The following CNP variants were observed in gnomAD, a reference collection of about 807,000 sequenced individuals.
CNP encodes the protein 2',3'-cyclic nucleotide 3' phosphodiesterase.
A neutral mutation model predicts 37.9 loss-of-function variants in CNP; 8 were observed. That is an observed-to-expected ratio of 0.21 (90% confidence interval 0.12 to 0.38). The LOEUF is 0.38. CNP is among the 10% of genes least tolerant of loss of function. The probability of loss-of-function intolerance (pLI) is 1.00; values close to 1 mark genes in which losing one functional copy is unlikely to be tolerated. For synonymous variants in CNP, 237 were observed against 238.3 expected, an observed-to-expected ratio of 0.99 and a Z score of 0.05; for missense variants, 457 against 551.0, an observed-to-expected ratio of 0.83 and a Z score of 1.71.
At position 41,977,456 on chromosome 17, in the gene CNP, C is replaced by T. The variant is rs782149692; in HGVS notation, c.*3532C>T. The T allele has an allele frequency of 3.6e-5, 28 of 777,956 alleles. No individual in the cohort carries two copies. Among genetic ancestry groups the T allele is most frequent in the Non-Finnish European group, 4.6e-5 (22 of 479,426 alleles). 48.2% of individuals were successfully genotyped at this position (777,956 alleles called of 1,614,324 possible). ...GTCTCACTCCCCTCCTTTCCCAACA[C>T]TTCAGACTGCAAGTGAGCAAACCTG... On this transcript the variant is annotated 3_prime_UTR_variant, in exon 4 of 4. Transcript: ENST00000393892.
chr17:41,968,007 G>T lies in CNP; in HGVS notation c.4-61G>T, dbSNP rs1363859591. Reference sequence around the variant, plus strand: ...CCCACAACCAGTCTAGGGACTAGGGGTAAGGCCGGCGGGGAGCCCGCGAAT... The same window carrying T: ...CCCACAACCAGTCTAGGGACTAGGGTTAAGGCCGGCGGGGAGCCCGCGAAT... On this transcript the variant is annotated intron_variant, in intron 1 of 3. Coordinates refer to ENST00000393892, the MANE Select transcript of CNP (RefSeq NM_033133.5). The surrounding 1 kb of genome is among the most constrained non-coding windows in gnomAD (Gnocchi z 4.8). 5 of 1,563,618 alleles carry T rather than the reference G, an allele frequency of 3.2e-6. No individual in the cohort carries two copies. Among genetic ancestry groups the T allele is most frequent in the African/African-American group, 1.4e-5 (1 of 73,976 alleles).
chr17:41,969,971 T>C (rs1951672229), intron 2 of CNP, among the ~76,000 whole-genome samples: 3 of 152,286 alleles, frequency 2.0e-5, no homozygotes, highest in South Asian at 4.1e-4. Context: ...CTCAGAGAGC[T>C]TTTTTCTCAG....
Position 41,968,877 on chromosome 17 carries a change from G to C in CNP, c.676+137G>C. On this transcript the variant is annotated intron_variant, in intron 2 of 3. Coordinates refer to ENST00000393892, the MANE Select transcript of CNP (RefSeq NM_033133.5). The surrounding 1 kb of genome is among the most constrained non-coding windows in gnomAD (Gnocchi z 4.8). ...AGAGGCTCACCTCAGCGGGGGCAGG[G>C]GCAAGCGGTGCGTCCCAGTGGTAGC... 1 of 1,038,632 alleles carries C rather than the reference G, an allele frequency of 9.6e-7. No individual in the cohort carries two copies. The highest frequency in any genetic ancestry group is 1.4e-6 in the Non-Finnish European group (1 of 736,250). 64.3% of individuals were successfully genotyped at this position (1,038,632 alleles called of 1,614,324 possible). A position where few individuals can be genotyped will look rare whatever the true frequency, so the allele number is the denominator to read the frequency against.
chr17:41,976,203 C>G lies in CNP; in HGVS notation c.*2279C>G, dbSNP rs2051074941. ...TTCTGGGGCCCCACCGTAAAGTGAG[C>G]ATGCTTTCTGAACTCGCTTCTCTGT... On this transcript the variant is annotated 3_prime_UTR_variant, in exon 4 of 4. Transcript: ENST00000393892. 6.3e-6 allele frequency: 1 copy of G among 159,264 alleles called. No homozygotes were observed. Among genetic ancestry groups the G allele is most frequent in the African/African-American group, 2.4e-5 (1 of 41,496 alleles). 9.9% of individuals were successfully genotyped at this position (159,264 alleles called of 1,614,324 possible).
intron 3 of CNP, among the ~76,000 whole-genome samples, 200 bp downstream of exon 3, chr17:41,972,231 G>T (rs1281251530): frequency 6.6e-6 from 1 of 151,944 alleles, no homozygotes; most frequent in African/African-American, 2.4e-5. Flanking sequence ...TAAGGAGCCT[G>T]CCCTGGCAGT....
Position 41,976,677 on chromosome 17 carries a change from T to G in CNP, c.*2753T>G. 5 of 1,596,490 alleles carry G rather than the reference T, an allele frequency of 3.1e-6. No individual in the cohort carries two copies. In the Admixed American group the frequency reaches 7.2e-5, roughly 23 times the overall value. ...AGGGAGGAGGTGAACTGTTTCCACA[T>G]TCAAGATTAAACTGAGTGAATCTGC... is the stretch of plus-strand genomic sequence containing the variant. On this transcript the variant is annotated 3_prime_UTR_variant, in exon 4 of 4. Transcript: ENST00000393892.
In CNP at chr17:41,973,469, C is replaced by G; in HGVS notation, c.817-6C>G. 2 of 1,611,446 alleles carry G rather than the reference C, an allele frequency of 1.2e-6. No homozygotes were observed. The highest frequency in any genetic ancestry group is 2.2e-5 in the South Asian group (2 of 90,548). On this transcript the variant is annotated splice_region_variant and splice_polypyrimidine_tract_variant and intron_variant, in intron 3 of 3. Coordinates refer to ENST00000393892, the MANE Select transcript of CNP (RefSeq NM_033133.5). ...AGCTTGGGCCCCTCTTTCTCACTCT[C>G]CCCAGGTGTTAAAGAAATCTTACTC...
In CNP at chr17:41,975,180, G is replaced by A. The variant is rs1318515238; in HGVS notation, c.*1256G>A. On this transcript the variant is annotated 3_prime_UTR_variant, in exon 4 of 4. Coordinates refer to ENST00000393892, the MANE Select transcript of CNP (RefSeq NM_033133.5). The stretch of plus-strand genomic sequence containing the variant: ...AATAAATCATGTTAATCCTAGCTGT[G>A]TGCAGTCTCTCTTACCCTTCTGTGC... 2 of 152,504 alleles carry A rather than the reference G, an allele frequency of 1.3e-5. No individual in the cohort carries two copies. The highest frequency in any genetic ancestry group is 4.8e-5 in the African/African-American group (2 of 41,450). The allele number at this position is 152,504 out of a possible 1,614,324, so 9.4% of individuals were successfully genotyped here.
chr17:41,972,026 C>G lies in CNP; in HGVS notation c.811C>G (p.Gln271Glu). 2.5e-6 allele frequency: 4 copies of G among 1,613,656 alleles called. No homozygotes were observed. Among genetic ancestry groups the G allele is most frequent in the Non-Finnish European group, 3.4e-6 (4 of 1,179,794 alleles). Residue 271 changes from glutamine to glutamate, a missense_variant, in exon 3 of 4, where the codon CAA becomes GAA. Physicochemically the swap from Gln to Glu is conservative, Grantham distance 29 (BLOSUM62 2). Coordinates refer to ENST00000393892, the MANE Select transcript of CNP (RefSeq NM_033133.5). ...KAPGAEEYAQ[Q>E]DVLKKSYSKA... ...TCCCGGGGCAGAGGAGTACGCTCAA[C>G]AAGATGTGAGTCTTCCCCAGGGACA...
rs940993643 is a variant in CNP, at chr17:41,974,430, T to G, written c.*506T>G. The G allele has an allele frequency of 6.6e-6, 1 of 152,474 alleles. No individual in the cohort carries two copies. Among genetic ancestry groups the G allele is most frequent in the African/African-American group, 2.4e-5 (1 of 41,414 alleles). 9.4% of individuals were successfully genotyped at this position (152,474 alleles called of 1,614,324 possible). On this transcript the variant is annotated 3_prime_UTR_variant, in exon 4 of 4. Transcript: ENST00000393892. ...GGGCTTTGATTCCATCTCCTTGTCT[T>G]TTTTCTTTGTTTTTAGAGACAGGGT...
At position 41,977,096 on chromosome 17, in the gene CNP, T is replaced by C. The variant is rs2051104505; in HGVS notation, c.*3172T>C. The stretch of plus-strand genomic sequence containing the variant: ...CAAGGCAAGGGGTGCCTGGGAACCT[T>C]CCTGTCTTCATCCTTAGCAACAGCC... On this transcript the variant is annotated 3_prime_UTR_variant, in exon 4 of 4. Transcript: ENST00000393892. The C allele has an allele frequency of 2.6e-6, 2 of 761,152 alleles. No homozygotes were observed. Among genetic ancestry groups the C allele is most frequent in the Non-Finnish European group, 4.2e-6 (2 of 471,058 alleles). 47.1% of individuals were successfully genotyped at this position (761,152 alleles called of 1,614,324 possible).
At chr17:41,973,186 G>A (rs924571473) in intron 3 of CNP, among the ~76,000 whole-genome samples, 61 of 152,216 alleles carry the variant, frequency 4.0e-4, no homozygotes, top group African/African-American at 1.4e-3. Context: ...CAGCCAGCCC[G>A]CTGAGGCCGG....
chr17:41,968,541 C>T lies in CNP; in HGVS notation c.477C>T (p.Ala159=). The stretch of plus-strand genomic sequence containing the variant: ...AGACGGCGTGGCGGCTGGACTGTGC[C>T]CAGCTCAAGGAGAAGAACCAGTGGC... ...EPKTAWRLDC[A]QLKEKNQWQL... Residue 159 remains alanine, a synonymous_variant, in exon 2 of 4, where the codon GCC becomes GCT. Coordinates refer to ENST00000393892, the MANE Select transcript of CNP (RefSeq NM_033133.5). This position sits in a 1 kb window ranked among gnomAD's most constrained non-coding sequence, Gnocchi z 4.8. 1 of 1,614,104 alleles carries T rather than the reference C, an allele frequency of 6.2e-7. No homozygotes were observed. Among genetic ancestry groups the T allele is most frequent in the Non-Finnish European group, 8.5e-7 (1 of 1,180,032 alleles).
chr17:41,967,841 C>T (rs1468323875), intron 1 of CNP: 3 of 1,384,220 alleles, frequency 2.2e-6, no homozygotes, highest in Non-Finnish European at 2.8e-6. Flanking sequence ...TTTACCTTTC[C>T]GAAGTGGCAG....
At chr17:41,973,415 C>A in intron 3 of CNP, 60 bp from the exon 4 acceptor site, 1 of 1,511,298 alleles carries the variant, frequency 6.6e-7, no homozygotes, top group Non-Finnish European at 9.0e-7. Context: ...CTCCCTGGGT[C>A]AGCTGTTCCT....
Position 41,974,004 on chromosome 17 carries a change from A to AT in CNP, c.*100dup, listed in dbSNP as rs34645700. ...CTCTGTTTGATCCTTGTTTTGTGAC[A>AT]TTTTTTTTTTTTTTTTTTTTACTCA... On this transcript the variant is annotated 3_prime_UTR_variant, in exon 4 of 4. Coordinates refer to ENST00000393892, the MANE Select transcript of CNP (RefSeq NM_033133.5). 15,325 of 837,218 alleles carry AT rather than the reference A, an allele frequency of 0.018. 32 individuals carry two copies. Among genetic ancestry groups the AT allele is most frequent in the African/African-American group, 0.035 (1,837 of 51,768 alleles). 51.9% of individuals were successfully genotyped at this position (837,218 alleles called of 1,614,324 possible). A position where few individuals can be genotyped will look rare whatever the true frequency, so the allele number is the denominator to read the frequency against.
At chr17:41,967,616 GT>G in intron 1 of CNP, 1 of 993,622 alleles carries the variant, frequency 1.0e-6, no homozygotes, top group Non-Finnish European at 1.2e-6. Context: ...AGTATTATCT[GT>G]TGCGGCCATT....
chr17:41,972,182 G>A (rs1205984117), intron 3 of CNP, 151 bp downstream of exon 3: 15 of 944,776 alleles, frequency 1.6e-5, no homozygotes, highest in Non-Finnish European at 2.2e-5. Context: ...TAGCTCCCCT[G>A]TCCCCAGGCG....
At position 41,977,641 on chromosome 17, in the gene CNP, C is replaced by T. The variant is rs1473690817; in HGVS notation, c.*3717C>T. ...CCATTTGCACTTACACAAGACTTTC[C>T]CCATACTCTGTCTCCCTATAATGCT... On this transcript the variant is annotated 3_prime_UTR_variant, in exon 4 of 4. Coordinates refer to ENST00000393892, the MANE Select transcript of CNP (RefSeq NM_033133.5). The T allele has an allele frequency of 4.2e-6, 1 of 236,112 alleles. No individual in the cohort carries two copies. The highest frequency in any genetic ancestry group is 8.3e-6 in the Non-Finnish European group (1 of 120,720). The allele number at this position is 236,112 out of a possible 1,614,324, so 14.6% of individuals were successfully genotyped here.
Sources: gnomAD v4.1 joint callset for allele counts (sites outside exome capture counted in the v4.1 genomes callset) on GRCh38, gnomAD v4.1.1 for gene constraint, Gnocchi (gnomAD v3.1) non-coding constraint, MANE v1.5 for transcripts, NCBI Gene and HGNC (gene_info 2026-07-23, HGNC 2026-07-21) for gene names.